Variants in S100A8 observed in about 807,000 individuals in gnomAD.
The protein encoded by S100A8 is protein S100-A8.
S100A8 carries 1 observed loss-of-function variant against 4.2 expected under a neutral mutation model. The ratio of observed to expected loss-of-function variants is 0.24; its 90% CI spans 0.08 to 1.12. S100A8 has a LOEUF of 1.12. Among genes scored for constraint, S100A8 ranks in the 50% most tolerant of loss-of-function variants. The probability of loss-of-function intolerance (pLI) is 0.53; values close to 1 mark genes in which losing one functional copy is unlikely to be tolerated. For missense variants in S100A8, 96 were observed against 111.8 expected, an observed-to-expected ratio of 0.86 and a Z score of 0.64; for synonymous variants, 41 against 44.7, an observed-to-expected ratio of 0.92 and a Z score of 0.33.
At chr1:153,405,084 C>A in the S100A8 span, among the ~76,000 whole-genome samples, 4 of 151,540 alleles carry the variant, frequency 2.6e-5, no homozygotes, top group South Asian at 2.1e-4. Flanking sequence ...TTCCTGGAGT[C>A]CCCCCCACCC....
At chr1:153,418,470 A>G in the S100A8 span, among the ~76,000 whole-genome samples, 3,623 of 152,284 alleles carry the variant, frequency 0.024, 127 homozygotes, top group African/African-American at 0.076. Context: ...CAGCTTGAGG[A>G]CAGTGCACAG....
At chr1:153,408,503 G>T in the S100A8 span, among the ~76,000 whole-genome samples, 1 of 152,180 alleles carries the variant, frequency 6.6e-6, no homozygotes, top group East Asian at 1.9e-4. Flanking sequence ...AAGTCTGCTT[G>T]GTGTACATGA....
At chr1:153,391,264 G>A (rs1353999552), upstream of S100A8, 3 of 939,778 alleles carry the variant, frequency 3.2e-6, no homozygotes, top group African/African-American at 3.5e-5. Flanking sequence ...AAAGAGGAAG[G>A]CATTTGCTGG....
the S100A8 span, chr1:153,396,465 A>T: frequency 6.5e-6 from 1 of 152,886 alleles, no homozygotes; most frequent in Admixed American, 6.5e-5. Context: ...ATGTACACAC[A>T]TGTGCACACA....
At chr1:153,395,260 A>C (rs1361067923), upstream of S100A8, among the ~76,000 whole-genome samples, 1 of 151,868 alleles carries the variant, frequency 6.6e-6, no homozygotes. Flanking sequence ...GGTTCTACTC[A>C]TTGCTCTTCC....
the S100A8 span, among the ~76,000 whole-genome samples, chr1:153,411,304 A>G: frequency 1.3e-5 from 2 of 152,206 alleles, no homozygotes; most frequent in Non-Finnish European, 2.9e-5. Flanking sequence ...AAATCAATGT[A>G]CAAAAATCAC....
the S100A8 span, among the ~76,000 whole-genome samples, chr1:153,415,138 G>C: frequency 6.6e-6 from 1 of 151,512 alleles, no homozygotes. Context: ...GTATTCGTCT[G>C]TGTGTGTGTG....
chr1:153,418,120 T>G, the S100A8 span: 164 of 1,614,058 alleles, frequency 1.0e-4, 1 homozygote, highest in South Asian at 1.8e-3. Context: ...ATAATAGGCA[T>G]GATCGACATG....
At chr1:153,408,013 G>A in the S100A8 span, among the ~76,000 whole-genome samples, 3 of 152,134 alleles carry the variant, frequency 2.0e-5, no homozygotes, top group Admixed American at 6.5e-5. Context: ...CACAAAGATG[G>A]GGAGAAGCCA....
chr1:153,417,745 T>TG, the S100A8 span, among the ~76,000 whole-genome samples: 1,638 of 152,278 alleles, frequency 0.011, 31 homozygotes, highest in African/African-American at 0.037. Flanking sequence ...TGGTTGAGGC[T>TG]GGGGGGTCCC....
the S100A8 span, among the ~76,000 whole-genome samples, chr1:153,401,643 A>G: frequency 3.3e-5 from 5 of 152,192 alleles, no homozygotes; most frequent in African/African-American, 1.2e-4. Flanking sequence ...AAATTGAGAA[A>G]GGAGGTTACC....
chr1:153,417,952 T>C, the S100A8 span: 11 of 1,341,942 alleles, frequency 8.2e-6, no homozygotes, highest in Non-Finnish European at 1.1e-5. Context: ...ATCAAGTTCC[T>C]TCTGCTCCAT....
At chr1:153,422,355 G>A in the S100A8 span, 1 of 223,460 alleles carries the variant, frequency 4.5e-6, no homozygotes, top group Non-Finnish European at 7.5e-6. Context: ...TTTAGAGCAA[G>A]GCCTAAGGGC....
chr1:153,412,968 A>T, the S100A8 span, among the ~76,000 whole-genome samples: 1 of 152,122 alleles, frequency 6.6e-6, no homozygotes, highest in East Asian at 1.9e-4. Flanking sequence ...GGAACATCAC[A>T]CATCAGGGCC....
chr1:153,390,288 A>G, intron 2 of S100A8, 45 bp from the exon 3 acceptor site: 1 of 1,603,890 alleles, frequency 6.2e-7, no homozygotes, highest in Non-Finnish European at 8.5e-7. Context: ...AAGATCTCAG[A>G]GAGAGCCGAG....
the S100A8 span, chr1:153,416,672 C>T: frequency 3.2e-6 from 1 of 308,666 alleles, no homozygotes; most frequent in African/African-American, 2.2e-5. Context: ...AAGCCTGGGT[C>T]TAGGCCAGCT....
the S100A8 span, among the ~76,000 whole-genome samples, chr1:153,417,671 C>T: frequency 1.3e-5 from 2 of 152,352 alleles, no homozygotes; most frequent in East Asian, 1.9e-4. Flanking sequence ...GTGACTCTCA[C>T]CCCGACTGTG....
the S100A8 span, among the ~76,000 whole-genome samples, chr1:153,404,001 AC>A: frequency 2.0e-5 from 3 of 151,838 alleles, no homozygotes; most frequent in South Asian, 4.2e-4. Flanking sequence ...GTTCCTACAA[AC>A]CCCCTCCTCA....
chr1:153,415,185 C>CGT, the S100A8 span, among the ~76,000 whole-genome samples: 5,424 of 148,144 alleles, frequency 0.037, 294 homozygotes, highest in African/African-American at 0.12. Flanking sequence ...TGTGTGTGTG[C>CGT]GTGTGTGTGT....
Sources: allele counts gnomAD v4.1 joint callset (sites outside exome capture counted in the v4.1 genomes callset), GRCh38; gene constraint gnomAD v4.1.1; transcripts MANE v1.5; gene names NCBI Gene and HGNC (gene_info 2026-07-23, HGNC 2026-07-21).